Variants in TET2 observed in about 807,000 individuals in gnomAD.
The protein encoded by TET2 is methylcytosine dioxygenase TET2.
TET2 carries 299 observed loss-of-function variants against 142.9 expected under a neutral mutation model. The ratio of observed to expected loss-of-function variants is 2.09; its 90% confidence interval spans 1.90 to 2.30. The LOEUF is 2.30. TET2 is among the 30% of genes most tolerant of loss of function. The pLI, the probability that TET2 is intolerant of heterozygous loss-of-function variation, is 0.00. For synonymous variants in TET2, 819 were observed against 849.0 expected, an observed-to-expected ratio of 0.96 and a Z score of 0.61; for missense variants, 2,418 against 2,378.0, an observed-to-expected ratio of 1.02 and a Z score of -0.35.
At chr4:105,263,832 C>G (rs1361546261) in intron 8 of TET2, among the ~76,000 whole-genome samples, 2 of 151,962 alleles carry the variant, frequency 1.3e-5, no homozygotes, top group African/African-American at 4.8e-5. Flanking sequence ...GAAGTAAGAA[C>G]TGGGGGAGGG....
At chr4:105,226,300 A>G (rs1728185725) in intron 2 of TET2, among the ~76,000 whole-genome samples, 1 of 152,166 alleles carries the variant, frequency 6.6e-6, no homozygotes, top group South Asian at 2.1e-4. Context: ...TAAAATGAGA[A>G]AATGGTACTA....
chr4:105,239,080 T>TTG lies in TET2; in HGVS notation c.3409+1730_3409+1731insGT, dbSNP rs996959463. ...GGTTTTGGTTTTGTTTTTTGTTTTT[T>TTG]TTTTTTGTTTTTTAGCAGTAAGTCT... is the stretch of plus-strand genomic sequence containing the variant. On this transcript the variant is annotated intron_variant, in intron 3 of 10. Coordinates refer to ENST00000380013, the MANE Select transcript of TET2 (RefSeq NM_001127208.3). 16 of 231,046 alleles carry TTG rather than the reference T, an allele frequency of 6.9e-5. 1 individual carries two copies. The highest frequency in any genetic ancestry group is 1.8e-5 in the Non-Finnish European group (2 of 110,486). The allele number at this position is 231,046 out of a possible 1,614,324, so 14.3% of individuals were successfully genotyped here.
intron 2 of TET2, 59 bp from the exon 3 acceptor site, chr4:105,233,838 A>C (rs1239498134): frequency 1.7e-5 from 4 of 239,748 alleles, no homozygotes; most frequent in Middle Eastern, 6.4e-4. Flanking sequence ...ATTTTTATAG[A>C]TAGATAGATA....
At chr4:105,180,238 T>G (rs1187304951) in intron 1 of TET2, among the ~76,000 whole-genome samples, 1 of 152,212 alleles carries the variant, frequency 6.6e-6, no homozygotes, top group Admixed American at 6.5e-5. Flanking sequence ...TCAGACAAGC[T>G]TCTCTAAATG....
At position 105,272,920 on chromosome 4, in the gene TET2, T is replaced by G. The variant is rs1486433559; in HGVS notation, c.4537+2T>G. The G allele has an allele frequency of 6.6e-7, 1 of 1,518,146 alleles. No homozygotes were observed. Among genetic ancestry groups the G allele is most frequent in the Non-Finnish European group, 8.8e-7 (1 of 1,132,948 alleles). 94.0% of individuals were successfully genotyped at this position (1,518,146 alleles called of 1,614,324 possible). ...CAAGCCAGGCTAAACAGTTGGCAGGTAAATTTAATGTAAAGCATTTGTAGA... is the reference window on the plus strand; with the variant it reads ...CAAGCCAGGCTAAACAGTTGGCAGGGAAATTTAATGTAAAGCATTTGTAGA... On this transcript the variant is annotated splice_donor_variant, in intron 10 of 10. Transcript: ENST00000380013. LOFTEE classifies it high-confidence loss of function.
At chr4:105,169,492 T>G (rs191414133) in intron 1 of TET2, among the ~76,000 whole-genome samples, 4 of 152,344 alleles carry the variant, frequency 2.6e-5, no homozygotes, top group Admixed American at 2.0e-4. Context: ...CTTTGCCGGA[T>G]GCATAGATTG....
Position 105,234,534 on chromosome 4 carries a change from G to A in TET2, c.592G>A (p.Val198Ile). Reference protein sequence around the residue: ...KSANYHDKNIVLLKNKAVLMP... With the variant: ...KSANYHDKNIILLKNKAVLMP... ...TGCTAATTACCATGACAAGAACATT[G>A]TATTACTTAAAAACAAGGCAGTGCT... is the stretch of plus-strand genomic sequence containing the variant. Residue 198 changes from valine to isoleucine, a missense_variant, in exon 3 of 11, where the codon GTA becomes ATA. Transcript: ENST00000380013. 2 of 1,614,122 alleles carry A rather than the reference G, an allele frequency of 1.2e-6. No individual in the cohort carries two copies. Among genetic ancestry groups the A allele is most frequent in the Non-Finnish European group, 1.7e-6 (2 of 1,180,006 alleles).
At chr4:105,238,875 C>T (rs551212249) in intron 3 of TET2, 2 of 238,106 alleles carry the variant, frequency 8.4e-6, no homozygotes, top group Admixed American at 5.7e-5. Context: ...ACTATCTTGG[C>T]AGCTGTAGAC....
chr4:105,154,213 G>A (rs1345465825), intron 1 of TET2, among the ~76,000 whole-genome samples: 1 of 152,146 alleles, frequency 6.6e-6, no homozygotes, highest in Non-Finnish European at 1.5e-5. Context: ...AGTAATGATT[G>A]CCCAACTCTT....
Position 105,275,258 on chromosome 4 carries a change from C to A in TET2, c.4748C>A (p.Ser1583Ter), listed in dbSNP as rs1236049619. Residue 1583 changes from serine to a stop codon, truncating the protein, a stop_gained, in exon 11 of 11, where the codon TCA (serine) becomes TAA (stop). Coordinates refer to ENST00000380013, the MANE Select transcript of TET2 (RefSeq NM_001127208.3). LOFTEE classifies it low-confidence loss of function (END_TRUNC). The part of the protein sequence containing the change: ...PNPVSPYPNS[S>*]HTSDIYGSTS... ...CCAGTTAGTCCTTATCCAAACTCTT[C>A]ACACACTTCAGATATCTATGGAAGC... 6.4e-7 allele frequency: 1 copy of A among 1,552,336 alleles called. No homozygotes were observed. Among genetic ancestry groups the A allele is most frequent in the Non-Finnish European group, 8.7e-7 (1 of 1,147,122 alleles).
intron 1 of TET2, among the ~76,000 whole-genome samples, chr4:105,172,212 C>CA (rs1408840260): frequency 6.6e-6 from 1 of 152,104 alleles, no homozygotes; most frequent in Non-Finnish European, 1.5e-5. Flanking sequence ...CCTGCACTGT[C>CA]AAAAATCCAC....
rs1383701111 is a variant in TET2, at chr4:105,237,048, C to G, written c.3106C>G (p.His1036Asp). The G allele has an allele frequency of 6.2e-7, 1 of 1,614,036 alleles. No homozygotes were observed. The highest frequency in any genetic ancestry group is 8.5e-7 in the Non-Finnish European group (1 of 1,180,030). Residue 1036 changes from histidine to aspartate, a missense_variant, in exon 3 of 11, where the codon CAC becomes GAC. Transcript: ENST00000380013. Reference sequence around the variant, plus strand: ...CATGGAGCAGCATCTGAAGCAGTTTCACGCCAAGTCGTTATTTGACCATAA... The same window carrying G: ...CATGGAGCAGCATCTGAAGCAGTTTGACGCCAAGTCGTTATTTGACCATAA... ...ETMEQHLKQF[H>D]AKSLFDHKAL...
chr4:105,236,699 C>G lies in TET2; in HGVS notation c.2757C>G (p.Tyr919Ter). 1 of 1,614,106 alleles carries G rather than the reference C, an allele frequency of 6.2e-7. No individual in the cohort carries two copies. Among genetic ancestry groups the G allele is most frequent in the Non-Finnish European group, 8.5e-7 (1 of 1,180,010 alleles). ...CTGCGCAACTTGCTCAGCAAAGGTACTTGATACATAACCATGCAAATGTTT... is the reference window on the plus strand; with the variant it reads ...CTGCGCAACTTGCTCAGCAAAGGTAGTTGATACATAACCATGCAAATGTTT... ...QQAAQLAQQRYLIHNHANVFP... is the reference protein window; with the variant it reads ...QQAAQLAQQR The change falls in exon 3 of 11, where the codon TAC becomes TAG. Residue 919 changes from tyrosine to a stop codon, truncating the protein, a stop_gained. Coordinates refer to ENST00000380013, the MANE Select transcript of TET2 (RefSeq NM_001127208.3). LOFTEE classifies it high-confidence loss of function.
At chr4:105,237,636 C>T in intron 3 of TET2, 1 of 1,380,820 alleles carries the variant, frequency 7.2e-7, no homozygotes, top group South Asian at 1.5e-5. Flanking sequence ...TGTTTTAGAT[C>T]AATTCGCCTA....
chr4:105,163,213 ATG>A (rs1288417587), intron 1 of TET2, among the ~76,000 whole-genome samples: 2 of 152,022 alleles, frequency 1.3e-5, no homozygotes, highest in Admixed American at 6.6e-5. Context: ...CTGTGTATGT[ATG>A]TGTGTGTTTG....
Position 105,236,787 on chromosome 4 carries a change from C to T in TET2, c.2845C>T (p.His949Tyr). The change falls in exon 3 of 11, where the codon CAT becomes TAT. Residue 949 changes from histidine (H) to tyrosine (Y), a missense_variant. Coordinates refer to ENST00000380013, the MANE Select transcript of TET2 (RefSeq NM_001127208.3). ...CCCTCCCCAGAAGGACACTCAAAAG[C>T]ATGCTGCTCTAAGGTGGCATCTCTT... ...QTPPQKDTQKHAALRWHLLQK... is the reference protein window; with the variant it reads ...QTPPQKDTQKYAALRWHLLQK... 6.2e-7 allele frequency: 1 copy of T among 1,614,142 alleles called. No homozygotes were observed.
rs111673454 is a variant in TET2 at position 105,163,854 on chromosome 4, AGTGTGTGTGTGTGTGT to A, written c.-193+16894_-193+16909del. 3.1e-4 allele frequency among the ~76,000 whole-genome samples: 26 copies of A among 85,232 alleles called. No homozygotes were observed. The South Asian group carries it at 0.012, about 38-fold the overall frequency. The allele number at this position is 85,232 out of a possible 152,430, so 55.9% of individuals were successfully genotyped here. On this transcript the variant is annotated intron_variant, in intron 1 of 10. Coordinates refer to ENST00000380013, the MANE Select transcript of TET2 (RefSeq NM_001127208.3). ...GAGAGAGAGAGAGAGAGAGAGAGAG[AGTGTGTGTGTGTGTGT>A]GTGTGTGTGTGTGTGTGTTCCAGCT...
chr4:105,272,497 A>G, intron 9 of TET2, 67 bp from the exon 10 acceptor site: 1 of 750,270 alleles, frequency 1.3e-6, no homozygotes, highest in Non-Finnish European at 2.0e-6. Context: ...GGAGAAAGAT[A>G]CACACACACA....
At chr4:105,185,810 A>G (rs528873189) in intron 1 of TET2, among the ~76,000 whole-genome samples, 3 of 152,254 alleles carry the variant, frequency 2.0e-5, no homozygotes, top group South Asian at 4.1e-4. Context: ...AGAACAGTGA[A>G]TAGTTTATAA....
Sources: gnomAD v4.1 joint callset for allele counts (sites outside exome capture counted in the v4.1 genomes callset) on GRCh38, gnomAD v4.1.1 for gene constraint, MANE v1.5 for transcripts, NCBI Gene and HGNC (gene_info 2026-07-23, HGNC 2026-07-21) for gene names.